OLFM3: variants seen among roughly 807,000 people sequenced by gnomAD.
OLFM3 encodes olfactomedin 3, also known as noelin-3.
OLFM3 carries 20 observed loss-of-function variants against 48.6 expected under a neutral mutation model. That is an observed-to-expected ratio of 0.41 (90% CI 0.29 to 0.60). The LOEUF (loss-of-function observed/expected upper bound fraction) is 0.60. Among genes scored for constraint, OLFM3 ranks in the 20% least tolerant of loss-of-function variants. The pLI is 0.28. For missense variants in OLFM3, 437 were observed against 544.3 expected, an observed-to-expected ratio of 0.80 and a Z score of 1.96; for synonymous variants, 222 against 198.1, an observed-to-expected ratio of 1.12 and a Z score of -1.01.
intron 1 of OLFM3, among the ~76,000 whole-genome samples, chr1:101,876,852 G>T (rs541935475): frequency 6.6e-6 from 1 of 151,926 alleles, no homozygotes; most frequent in East Asian, 1.9e-4. Flanking sequence ...ATATTGTCTT[G>T]TAAATGACAG....
At chr1:101,917,292 A>G (rs1424279626) in intron 1 of OLFM3, among the ~76,000 whole-genome samples, 1 of 152,198 alleles carries the variant, frequency 6.6e-6, no homozygotes, top group Non-Finnish European at 1.5e-5. Flanking sequence ...ATAAGCACAG[A>G]TTTTGTTTTG....
chr1:101,923,051 C>A (rs1373739420), intron 1 of OLFM3, among the ~76,000 whole-genome samples: 1 of 152,162 alleles, frequency 6.6e-6, no homozygotes, highest in East Asian at 1.9e-4. Flanking sequence ...GTTATCCAGG[C>A]AGTCTGACTA....
intron 5 of OLFM3, 69 bp downstream of exon 5, chr1:101,806,007 A>G: frequency 9.0e-7 from 1 of 1,110,116 alleles, no homozygotes; most frequent in South Asian, 1.5e-5. Context: ...AAGAAAATGA[A>G]TAGTCCAGAA....
intron 1 of OLFM3, among the ~76,000 whole-genome samples, chr1:101,966,634 G>A (rs868709353): frequency 2.0e-5 from 3 of 152,156 alleles, no homozygotes; most frequent in Middle Eastern, 6.8e-3. Context: ...CTAGTGTTAG[G>A]AAAATGTACG....
chr1:101,855,601 G>A (rs1433227664), intron 1 of OLFM3, among the ~76,000 whole-genome samples: 1 of 152,090 alleles, frequency 6.6e-6, no homozygotes, highest in African/African-American at 2.4e-5. Context: ...AAAATTAAAA[G>A]CAACATGTCT....
At chr1:101,911,793 T>G (rs1658768103) in intron 1 of OLFM3, among the ~76,000 whole-genome samples, 2 of 152,308 alleles carry the variant, frequency 1.3e-5, no homozygotes, top group South Asian at 4.1e-4. Context: ...GAAGGAAGAT[T>G]ATTAATTTGA....
intron 1 of OLFM3, among the ~76,000 whole-genome samples, chr1:101,896,670 ATTTT>A (rs3079210): frequency 0.01 from 1,082 of 105,658 alleles, 25 homozygotes; most frequent in African/African-American, 0.036. Context: ...GATTTTTTGT[ATTTT>A]TTTTTTTTTT....
At chr1:101,991,077 G>C (rs542536646) in intron 1 of OLFM3, among the ~76,000 whole-genome samples, 1 of 136,114 alleles carries the variant, frequency 7.3e-6, no homozygotes, top group Admixed American at 7.8e-5. Context: ...GGCATAGACT[G>C]AGTAGATTAA....
chr1:101,835,132 G>T (rs896818590), intron 2 of OLFM3, among the ~76,000 whole-genome samples: 2 of 152,150 alleles, frequency 1.3e-5, no homozygotes, highest in Admixed American at 6.5e-5. Context: ...TAGAAAAAAA[G>T]ATATTTCTGG....
In OLFM3 at chr1:101,804,567, C is replaced by A; in HGVS notation, c.1048G>T (p.Val350Phe). ...GTATCTTGGTTAAGTTGGCTGATGA[C>A]AATATTGCCTGCATTCTGGTTAGTT... ...YATNQNAGNI[V>F]ISQLNQDTLE... is the part of the protein sequence containing the mutation. Residue 350 changes from valine (V) to phenylalanine (F), a missense_variant, in exon 6 of 6, where the codon GTC (valine) becomes TTC (phenylalanine). This residue lies in a region of OLFM3 where 108 missense variants were observed against 135.8 expected (regional missense o/e 0.80). Transcript: ENST00000370103. The surrounding 1 kb of genome is among the most constrained non-coding windows in gnomAD (Gnocchi z 4.5). The A allele has an allele frequency of 6.2e-7, 1 of 1,612,548 alleles. No individual in the cohort carries two copies. The highest frequency in any genetic ancestry group is 1.7e-4 in the Middle Eastern group (1 of 6,048).
chr1:101,808,394 G>A (rs966233573), intron 4 of OLFM3, among the ~76,000 whole-genome samples: 1 of 151,722 alleles, frequency 6.6e-6, no homozygotes, highest in African/African-American at 2.4e-5. Context: ...ATGCATTTGT[G>A]TCTATGCAGA....
At chr1:101,813,161 T>G in intron 4 of OLFM3, 1 of 1,214,268 alleles carries the variant, frequency 8.2e-7, no homozygotes, top group South Asian at 1.3e-5. Flanking sequence ...AAAGGAAATT[T>G]AAAGAAAGAA....
At chr1:101,885,743 T>A (rs1657728813) in intron 1 of OLFM3, among the ~76,000 whole-genome samples, 1 of 152,170 alleles carries the variant, frequency 6.6e-6, no homozygotes, top group African/African-American at 2.4e-5. Context: ...CAGTATATGA[T>A]ACACATAACC....
rs1479378333 is a variant in OLFM3, at chr1:101,896,734, TTGTGATC to T, written c.70-59716_70-59710del. Among the ~76,000 whole-genome samples the T allele has an allele frequency of 2.2e-4, 33 of 150,042 alleles. 1 individual carries two copies. The highest frequency in any genetic ancestry group is 7.4e-5 in the Non-Finnish European group (5 of 67,466). ...TCACCGTGGTCTCGATCTCCTGACC[TTGTGATC>T]CGCCCGCCTCGGCCTCCTGCTTATA... On this transcript the variant is annotated intron_variant, in intron 1 of 5. Coordinates refer to ENST00000370103, the MANE Select transcript of OLFM3 (RefSeq NM_058170.4).
intron 1 of OLFM3, among the ~76,000 whole-genome samples, chr1:101,920,197 C>T (rs557326684): frequency 6.6e-6 from 1 of 152,214 alleles, no homozygotes; most frequent in South Asian, 2.1e-4. Flanking sequence ...CAGAGTGATT[C>T]TTTAAAAATC....
chr1:101,881,425 C>T (rs1459805183), intron 1 of OLFM3, among the ~76,000 whole-genome samples: 2 of 151,792 alleles, frequency 1.3e-5, no homozygotes, highest in East Asian at 3.9e-4. Flanking sequence ...AACCAGAGTA[C>T]TCTTACTGCC....
At chr1:101,827,922 TG>T (rs1654940183) in intron 3 of OLFM3, among the ~76,000 whole-genome samples, 5 of 152,182 alleles carry the variant, frequency 3.3e-5, no homozygotes, top group Admixed American at 3.3e-4. Context: ...GATTGTATCA[TG>T]GGGGTGGTTT....
intron 1 of OLFM3, among the ~76,000 whole-genome samples, chr1:101,844,936 T>A (rs887617692): frequency 3.3e-5 from 5 of 152,160 alleles, no homozygotes; most frequent in African/African-American, 1.2e-4. Flanking sequence ...TACTGATGCA[T>A]TCATTCTTCA....
chr1:101,865,171 T>C (rs1272998557), intron 1 of OLFM3, among the ~76,000 whole-genome samples: 1 of 151,808 alleles, frequency 6.6e-6, no homozygotes, highest in African/African-American at 2.4e-5. Context: ...GCTTATTCTG[T>C]CTTCCCTGCT....
Sources: gnomAD v4.1 joint callset for allele counts (sites outside exome capture counted in the v4.1 genomes callset) on GRCh38, gnomAD v4.1.1 for gene constraint, gnomAD v4.1.1 regional missense constraint, Gnocchi (gnomAD v3.1) non-coding constraint, MANE v1.5 for transcripts, NCBI Gene and HGNC (gene_info 2026-07-23, HGNC 2026-07-21) for gene names.